Variants in CYP4B1 observed in about 807,000 individuals in gnomAD.
The protein encoded by CYP4B1 is cytochrome P450 4B1.
Under a neutral mutation model 54.0 loss-of-function variants are expected in CYP4B1, and 45 were observed. The observed-to-expected ratio is 0.83, with a 90% CI of 0.66 to 1.07. The LOEUF (loss-of-function observed/expected upper bound fraction) is 1.07, where lower values mean the gene tolerates loss of function less well. CYP4B1 is among the 50% of genes least tolerant of loss of function. The pLI, the probability that CYP4B1 is intolerant of heterozygous loss-of-function variation, is 0.00. For synonymous variants in CYP4B1, 248 were observed against 247.5 expected, an observed-to-expected ratio of 1.00 and a Z score of -0.02; for missense variants, 656 against 655.4, an observed-to-expected ratio of 1.00 and a Z score of -0.01.
At chr1:46,807,086 G>C (rs1304339475) in intron 1 of CYP4B1, among the ~76,000 whole-genome samples, 1 of 152,188 alleles carries the variant, frequency 6.6e-6, no homozygotes. Flanking sequence ...TTATTTAAAA[G>C]TTTGGCCATC....
intron 11 of CYP4B1, 129 bp downstream of exon 11, chr1:46,818,342 T>C: frequency 1.1e-6 from 1 of 881,772 alleles, no homozygotes; most frequent in Non-Finnish European, 1.8e-6. Flanking sequence ...GTGGTTCTAA[T>C]GCAGGAGGCT....
In CYP4B1 at chr1:46,816,581, G is replaced by GACACACACACACACACAC. The variant is rs3066413; in HGVS notation, c.1074-460_1074-443dup. Among the ~76,000 whole-genome samples, 697 of 146,686 alleles carry GACACACACACACACACAC rather than the reference G, an allele frequency of 4.8e-3. 10 individuals carry two copies. The highest frequency in any genetic ancestry group is 0.015 in the African/African-American group (587 of 39,858). On this transcript the variant is annotated intron_variant, in intron 8 of 11. Coordinates refer to ENST00000371923, the MANE Select transcript of CYP4B1 (RefSeq NM_001099772.2). ...AGCTTCCCGGTTGCCAAAGGGAAAAGACACACACACACACACACACACACT... is the reference window on the plus strand; with the variant it reads ...AGCTTCCCGGTTGCCAAAGGGAAAAGACACACACACACACACACACACACACACACACACACACACACT...
rs1431400675 is a variant in CYP4B1, at chr1:46,812,624, G to C, written c.495+1G>C. On this transcript the variant is annotated splice_donor_variant, in intron 4 of 11. Transcript: ENST00000371923. LOFTEE classifies it high-confidence loss of function. ...CACTGAGTCTACACGTATCATGCTG[G>C]TGAGCTCCCTGTGCCAGAGTACTGG... is the stretch of plus-strand genomic sequence containing the variant. 1 of 1,613,244 alleles carries C rather than the reference G, an allele frequency of 6.2e-7. No homozygotes were observed. Among genetic ancestry groups the C allele is most frequent in the Non-Finnish European group, 8.5e-7 (1 of 1,179,542 alleles).
chr1:46,805,784 C>A (rs1255950396), intron 1 of CYP4B1, among the ~76,000 whole-genome samples: 1 of 152,186 alleles, frequency 6.6e-6, no homozygotes, highest in African/African-American at 2.4e-5. Flanking sequence ...GCTTCTAGCT[C>A]TTTAGCTTTA....
At chr1:46,802,543 G>A (rs1366353235) in intron 1 of CYP4B1, among the ~76,000 whole-genome samples, 1 of 152,176 alleles carries the variant, frequency 6.6e-6, no homozygotes, top group Non-Finnish European at 1.5e-5. Flanking sequence ...ATCATAGAGG[G>A]ATTCTTGCTA....
chr1:46,818,908 C>A lies in CYP4B1; in HGVS notation c.*94C>A. 8.6e-7 allele frequency: 1 copy of A among 1,166,230 alleles called. No homozygotes were observed. Among genetic ancestry groups the A allele is most frequent in the Non-Finnish European group, 1.2e-6 (1 of 811,172 alleles). 72.2% of individuals were successfully genotyped at this position (1,166,230 alleles called of 1,614,324 possible). On this transcript the variant is annotated 3_prime_UTR_variant, in exon 12 of 12. Coordinates refer to ENST00000371923, the MANE Select transcript of CYP4B1 (RefSeq NM_001099772.2). ...GGTGTGGAGGAGTTGGGGCCCCCTG[C>A]CTTCAGGAGGCTTGTAGTTTAGAAG...
chr1:46,818,418 A>G (rs1679424055), intron 11 of CYP4B1, among the ~76,000 whole-genome samples: 1 of 152,116 alleles, frequency 6.6e-6, no homozygotes, highest in Admixed American at 6.5e-5. Context: ...ATTCCAAGAG[A>G]GAACCCCATG....
chr1:46,799,124 C>A lies in CYP4B1; in HGVS notation c.43C>A (p.Leu15Met). ...FLSLSFSSLG[L>M]WASGLILVLG... is the part of the protein sequence containing the mutation. The stretch of plus-strand genomic sequence containing the variant: ...CTCCCTGAGCTTCTCCTCCTTGGGC[C>A]TGTGGGCTTCTGGGCTGATCTTGGT... The change falls in exon 1 of 12, where the codon CTG becomes ATG. Residue 15 changes from leucine (L) to methionine (M), a missense_variant. Physicochemically the swap from Leu to Met is conservative, Grantham distance 15. Coordinates refer to ENST00000371923, the MANE Select transcript of CYP4B1 (RefSeq NM_001099772.2). The A allele has an allele frequency of 1.2e-6, 2 of 1,614,022 alleles. No homozygotes were observed. Among genetic ancestry groups the A allele is most frequent in the Non-Finnish European group, 1.7e-6 (2 of 1,179,982 alleles).
chr1:46,808,886 G>A (rs536537668), intron 1 of CYP4B1, among the ~76,000 whole-genome samples: 2,818 of 138,960 alleles, frequency 0.02, 72 homozygotes, highest in African/African-American at 0.071. Context: ...ACCAAACACC[G>A]CATATTCTCA....
intron 8 of CYP4B1, among the ~76,000 whole-genome samples, chr1:46,816,684 C>T (rs1250661547): frequency 1.3e-5 from 2 of 152,040 alleles, no homozygotes; most frequent in Admixed American, 6.6e-5. Flanking sequence ...TTTCATTCAG[C>T]TCAGTAGGGG....
chr1:46,805,001 A>C (rs66871510), intron 1 of CYP4B1, among the ~76,000 whole-genome samples: 12,860 of 151,990 alleles, frequency 0.085, 807 homozygotes, highest in East Asian at 0.26. Context: ...CTTTCTCCCC[A>C]CTTGGAATGT....
chr1:46,805,148 C>T lies in CYP4B1; in HGVS notation c.181-5660C>T, dbSNP rs376700654. Among the ~76,000 whole-genome samples the T allele has an allele frequency of 2.1e-4, 32 of 152,342 alleles. No individual in the cohort carries two copies. The South Asian group carries it at 3.5e-3, about 17-fold the overall frequency. The stretch of plus-strand genomic sequence containing the variant: ...ACTCTGGGCAGCAAAGCCACCCATG[C>T]GGACTGAGGACAGATGACTGCATCC... On this transcript the variant is annotated intron_variant, in intron 1 of 11. Coordinates refer to ENST00000371923, the MANE Select transcript of CYP4B1 (RefSeq NM_001099772.2).
intron 1 of CYP4B1, among the ~76,000 whole-genome samples, chr1:46,805,836 G>A (rs1312165545): frequency 6.6e-6 from 1 of 152,174 alleles, no homozygotes; most frequent in Non-Finnish European, 1.5e-5. Flanking sequence ...CACACATGGA[G>A]CTCTGGTAAT....
rs74072926 is a variant in CYP4B1 at position 46,818,142 on chromosome 1, T to C, written c.1284T>C (p.Ser428=). ...AVWPDPEVFD[S]LRFSTENASK... ...GCCTGTCCCTTCAGGTCTTTGACTC[T>C]CTGCGCTTTTCCACTGAGAATGCAT... Residue 428 remains serine, a synonymous_variant, in exon 11 of 12, where the codon TCT becomes TCC. Coordinates refer to ENST00000371923, the MANE Select transcript of CYP4B1 (RefSeq NM_001099772.2). 8.3e-4 allele frequency: 1,336 copies of C among 1,614,178 alleles called. 3 individuals are homozygous for C. The African/African-American group carries it at 9.1e-3, about 11-fold the overall frequency.
chr1:46,800,302 T>TTCCTTCC (rs1678601641), intron 1 of CYP4B1, among the ~76,000 whole-genome samples: 1 of 124,562 alleles, frequency 8.0e-6, no homozygotes, highest in Non-Finnish European at 1.7e-5. Flanking sequence ...TCCTTCCTTC[T>TTCCTTCC]TTCCTTCCTT....
chr1:46,807,928 A>T (rs1309624287), intron 1 of CYP4B1, among the ~76,000 whole-genome samples: 1 of 152,210 alleles, frequency 6.6e-6, no homozygotes, highest in Non-Finnish European at 1.5e-5. Context: ...TACAACATGG[A>T]TGTCTTAGTC....
chr1:46,802,287 A>T (rs1437004494), intron 1 of CYP4B1, among the ~76,000 whole-genome samples: 1 of 152,144 alleles, frequency 6.6e-6, no homozygotes, highest in East Asian at 1.9e-4. Flanking sequence ...CTTTGCTGTG[A>T]GAGTGCCCTT....
chr1:46,800,927 G>A (rs564997902), intron 1 of CYP4B1, among the ~76,000 whole-genome samples: 62 of 152,262 alleles, frequency 4.1e-4, no homozygotes, highest in Middle Eastern at 3.4e-3. Flanking sequence ...CGAGCTGGGC[G>A]AGGTTCCTCC....
rs151329578 is a variant in CYP4B1 at position 46,814,150 on chromosome 1, G to C, written c.776-59G>C. ...TGCCCCCTCCCATTATAGGACCCCA[G>C]TTCCCCTTTGGACAAAAGATGGCTT... On this transcript the variant is annotated intron_variant, in intron 6 of 11. Transcript: ENST00000371923. The C allele has an allele frequency of 1.2e-5, 20 of 1,610,848 alleles. No homozygotes were observed. In the African/African-American group the frequency reaches 1.7e-4, roughly 14 times the overall value.
Sources: allele counts gnomAD v4.1 joint callset (sites outside exome capture counted in the v4.1 genomes callset), GRCh38; gene constraint gnomAD v4.1.1; transcripts MANE v1.5; gene names NCBI Gene and HGNC (gene_info 2026-07-23, HGNC 2026-07-21).